The following STK11 variants were observed in gnomAD, a reference collection of about 807,000 sequenced individuals.
STK11 encodes serine/threonine-protein kinase STK11.
A neutral mutation model predicts 47.3 loss-of-function variants in STK11; 8 were observed. That is an observed-to-expected ratio of 0.17 (90% CI 0.10 to 0.31). The LOEUF (loss-of-function observed/expected upper bound fraction) is 0.31, where lower values mean the gene tolerates loss of function less well. STK11 is among the 10% of genes least tolerant of loss of function. STK11 has a pLI of 1.00. For synonymous variants in STK11, 330 were observed against 255.8 expected (o/e 1.29, Z -2.77); for missense variants, 475 against 605.0 (o/e 0.79, Z 2.25).
chr19:1,207,607 C>A (rs952095115), intron 1 of STK11, among the ~76,000 whole-genome samples: 1 of 152,172 alleles, frequency 6.6e-6, no homozygotes, highest in Non-Finnish European at 1.5e-5. Flanking sequence ...GCCGCCAACA[C>A]GTTTTCTGCG....
At chr19:1,209,852 C>T (rs2080697294) in intron 1 of STK11, among the ~76,000 whole-genome samples, 1 of 151,928 alleles carries the variant, frequency 6.6e-6, no homozygotes, top group South Asian at 2.1e-4. Flanking sequence ...CCTGGGAGAA[C>T]GGGAGGGAAC....
intron 8 of STK11, chr19:1,223,888 ATGCT>A: frequency 9.8e-7 from 1 of 1,017,090 alleles, no homozygotes; most frequent in Non-Finnish European, 1.2e-6. Flanking sequence ...TGCAGGGTGG[ATGCT>A]TGCTGCGCTC....
chr19:1,225,776 G>T, intron 8 of STK11: 1 of 985,584 alleles, frequency 1.0e-6, no homozygotes, highest in Non-Finnish European at 1.2e-6. Flanking sequence ...TGTGTTCGCG[G>T]AGTCCTCGCC....
At chr19:1,207,879 G>A (rs551906610) in intron 1 of STK11, among the ~76,000 whole-genome samples, 10 of 152,278 alleles carry the variant, frequency 6.6e-5, no homozygotes, top group Admixed American at 1.3e-4. Context: ...CTTCAGGCAC[G>A]GGGCTGCCGC....
Position 1,223,152 on chromosome 19 carries a change from C to T in STK11, c.1088C>T (p.Thr363Ile), listed in dbSNP as rs587778695. ...GACATCGAGGATGACATCATCTACACTCAGGACTTCACGGTGCCCGGTGAG... is the reference window on the plus strand; with the variant it reads ...GACATCGAGGATGACATCATCTACATTCAGGACTTCACGGTGCCCGGTGAG... ...LFDIEDDIIY[T>I]QDFTVPGQVP... Residue 363 changes from threonine to isoleucine, a missense_variant, in exon 8 of 10, where the codon ACT becomes ATT. By Grantham distance (89) the Thr-to-Ile change is moderately conservative (BLOSUM62 -1). Coordinates refer to ENST00000326873, the MANE Select transcript of STK11 (RefSeq NM_000455.5). 1.2e-5 allele frequency: 20 copies of T among 1,611,550 alleles called. No homozygotes were observed. In the East Asian group the frequency reaches 2.5e-4, roughly 20 times the overall value.
intron 1 of STK11, among the ~76,000 whole-genome samples, chr19:1,208,149 A>C (rs2080681565): frequency 2.0e-5 from 3 of 152,010 alleles, no homozygotes; most frequent in African/African-American, 7.2e-5. Flanking sequence ...AGGGACTGGC[A>C]AGGACACCCT....
chr19:1,218,620 C>T (rs2080760092), intron 2 of STK11, 120 bp downstream of exon 2: 7 of 883,580 alleles, frequency 7.9e-6, no homozygotes, highest in African/African-American at 1.7e-5. Context: ...ACACGAGGGC[C>T]GTGGCCTTCC....
intron 1 of STK11, among the ~76,000 whole-genome samples, chr19:1,209,962 C>T (rs1393282246): frequency 1.3e-5 from 2 of 152,146 alleles, no homozygotes; most frequent in Non-Finnish European, 2.9e-5. Context: ...AGTGATGCAC[C>T]CTCACTAGTG....
intron 9 of STK11, chr19:1,227,008 T>G: frequency 3.3e-6 from 1 of 299,138 alleles, no homozygotes; most frequent in Non-Finnish European, 6.3e-6. Context: ...GAAAGGCTTA[T>G]GCTGGGCTCA....
rs190680390 is a variant in STK11 at position 1,227,890 on chromosome 19, G to C, written c.*314G>C. 86 of 1,069,492 alleles carry C rather than the reference G, an allele frequency of 8.0e-5. No homozygotes were observed. The highest frequency in any genetic ancestry group is 1.9e-4 in the East Asian group (4 of 20,674). 66.3% of individuals were successfully genotyped at this position (1,069,492 alleles called of 1,614,324 possible). A position where few individuals can be genotyped will look rare whatever the true frequency, so the allele number is the denominator to read the frequency against. ...ACTTTATGTGGAGACTACTGGCCCC[G>C]CCCGTGGCCTCGTGCTCCGCAGGGC... On this transcript the variant is annotated 3_prime_UTR_variant, in exon 10 of 10. Transcript: ENST00000326873.
At chr19:1,208,029 C>T (rs1457943725) in intron 1 of STK11, among the ~76,000 whole-genome samples, 2 of 152,222 alleles carry the variant, frequency 1.3e-5, no homozygotes, top group Admixed American at 6.5e-5. Flanking sequence ...CTGCACCTGC[C>T]GCCGCCTGGC....
At chr19:1,223,784 C>G (rs1329043459) in intron 8 of STK11, 5 of 1,036,956 alleles carry the variant, frequency 4.8e-6, no homozygotes, top group Non-Finnish European at 5.8e-6. Context: ...TAGGGGCGGC[C>G]CACATTGGCA....
rs796347676 is a variant in STK11 at position 1,208,784 on chromosome 19, A to C, written c.290+1581A>C. ...AGGTGCCTGCCACAGTGCCCAGCTAATTTTTTTTTTTTTTTTTTAGTAGAG... is the reference window on the plus strand; with the variant it reads ...AGGTGCCTGCCACAGTGCCCAGCTACTTTTTTTTTTTTTTTTTTAGTAGAG... On this transcript the variant is annotated intron_variant, in intron 1 of 9. Transcript: ENST00000326873. Among the ~76,000 whole-genome samples, 512 of 121,774 alleles carry C rather than the reference A, an allele frequency of 4.2e-3. 7 individuals are homozygous for C. The highest frequency in any genetic ancestry group is 0.015 in the African/African-American group (479 of 32,054). The allele number at this position is 121,774 out of a possible 152,430, so 79.9% of individuals were successfully genotyped here.
At chr19:1,219,055 G>A (rs928724677) in intron 2 of STK11, among the ~76,000 whole-genome samples, 4 of 152,198 alleles carry the variant, frequency 2.6e-5, no homozygotes, top group East Asian at 1.9e-4. Flanking sequence ...ACCATCCCCC[G>A]CCCATGGGCA....
intron 8 of STK11, chr19:1,226,248 A>G (rs2080819611): frequency 1.4e-6 from 2 of 1,415,950 alleles, no homozygotes; most frequent in Non-Finnish European, 1.8e-6. Context: ...TGCCCAGGCC[A>G]TCTGCGGGAG....
chr19:1,212,255 A>T (rs2080716286), intron 1 of STK11, among the ~76,000 whole-genome samples: 1 of 133,516 alleles, frequency 7.5e-6, no homozygotes, highest in African/African-American at 2.8e-5. Flanking sequence ...CTCAAACTGG[A>T]CTCAATTTTC....
intron 9 of STK11, chr19:1,226,985 G>T (rs981032406): frequency 6.8e-5 from 24 of 350,588 alleles, no homozygotes; most frequent in Non-Finnish European, 1.2e-4. Flanking sequence ...CCCCATGCCC[G>T]CGCCGCTTCC....
chr19:1,218,668 C>T (rs1050207339), intron 2 of STK11, among the ~76,000 whole-genome samples, 168 bp downstream of exon 2: 2 of 152,134 alleles, frequency 1.3e-5, no homozygotes, highest in East Asian at 1.9e-4. Context: ...GCAATGGCTG[C>T]GCAGCTTGCT....
At position 1,228,236 on chromosome 19, in the gene STK11, C is replaced by G. The variant is rs779428892; in HGVS notation, c.*660C>G. On this transcript the variant is annotated 3_prime_UTR_variant, in exon 10 of 10. Coordinates refer to ENST00000326873, the MANE Select transcript of STK11 (RefSeq NM_000455.5). ...GAGGGCAGGACCCTCACCTCTCCCC[C>G]AAGGCCACTGCGCTCTTGGGACCCC... 7.8e-6 allele frequency: 5 copies of G among 642,096 alleles called. No homozygotes were observed. The highest frequency in any genetic ancestry group is 5.6e-5 in the East Asian group (1 of 17,948). The allele number at this position is 642,096 out of a possible 1,614,324, so 39.8% of individuals were successfully genotyped here.
Sources: gnomAD v4.1 joint callset for allele counts (sites outside exome capture counted in the v4.1 genomes callset) on GRCh38, gnomAD v4.1.1 for gene constraint, MANE v1.5 for transcripts, NCBI Gene and HGNC (gene_info 2026-07-23, HGNC 2026-07-21) for gene names.